ZNF407: variants seen among roughly 807,000 people sequenced by gnomAD.
ZNF407 encodes the protein zinc finger protein 407.
ZNF407 carries 17 observed loss-of-function variants against 131.2 expected under a neutral mutation model. The ratio of observed to expected loss-of-function variants is 0.13; its 90% CI spans 0.09 to 0.19. The LOEUF is 0.19. ZNF407 is among the 10% of genes least tolerant of loss of function. The probability of loss-of-function intolerance (pLI) is 1.00; values close to 1 mark genes in which losing one functional copy is unlikely to be tolerated. For synonymous variants in ZNF407, 1,156 were observed against 1,062.0 expected (o/e 1.09, Z -1.72); for missense variants, 2,681 against 2,830.6 (o/e 0.95, Z 1.20).
intron 3 of ZNF407, among the ~76,000 whole-genome samples, chr18:74,767,097 A>T (rs1006862732): frequency 6.6e-6 from 1 of 152,008 alleles, no homozygotes. Flanking sequence ...TTTTTAGTAG[A>T]GACAGGGTTT....
chr18:74,652,082 A>T (rs1207662757), intron 3 of ZNF407, among the ~76,000 whole-genome samples: 1 of 152,128 alleles, frequency 6.6e-6, no homozygotes, highest in Non-Finnish European at 1.5e-5. Context: ...CATCAAGTAG[A>T]GCAGCTTTTC....
At chr18:75,006,780 TACTG>T (rs1972915721) in intron 8 of ZNF407, among the ~76,000 whole-genome samples, 1 of 152,130 alleles carries the variant, frequency 6.6e-6, no homozygotes, top group South Asian at 2.1e-4. Flanking sequence ...ATTTACCAAA[TACTG>T]AGAGAGGCAT....
At chr18:74,869,321 A>G (rs1568248283) in intron 4 of ZNF407, among the ~76,000 whole-genome samples, 1 of 152,194 alleles carries the variant, frequency 6.6e-6, no homozygotes, top group African/African-American at 2.4e-5. Flanking sequence ...GCAGTTTAAT[A>G]TATGTCTTAT....
chr18:74,921,535 G>A (rs529647670), intron 8 of ZNF407, among the ~76,000 whole-genome samples: 44 of 152,298 alleles, frequency 2.9e-4, no homozygotes, highest in Non-Finnish European at 5.0e-4. Flanking sequence ...TGTTAGAGTT[G>A]CTTTTAAACC....
intron 3 of ZNF407, among the ~76,000 whole-genome samples, chr18:74,716,859 A>G (rs1009911694): frequency 2.0e-5 from 3 of 152,194 alleles, no homozygotes; most frequent in African/African-American, 7.2e-5. Flanking sequence ...AATGAGCATT[A>G]CTGTCTTCAT....
intron 8 of ZNF407, among the ~76,000 whole-genome samples, chr18:75,041,444 C>T (rs1358968046): frequency 1.3e-5 from 2 of 152,170 alleles, no homozygotes; most frequent in African/African-American, 4.8e-5. Flanking sequence ...CTCTCACACA[C>T]ACACTCTCTC....
chr18:74,976,434 C>CA (rs1972529586), intron 8 of ZNF407, among the ~76,000 whole-genome samples: 1 of 152,298 alleles, frequency 6.6e-6, no homozygotes, highest in East Asian at 1.9e-4. Flanking sequence ...TCCAGCCCTG[C>CA]AGGTTGATCA....
intron 3 of ZNF407, among the ~76,000 whole-genome samples, chr18:74,761,533 G>A (rs1168308258): frequency 6.6e-6 from 1 of 152,068 alleles, no homozygotes; most frequent in Non-Finnish European, 1.5e-5. Flanking sequence ...TTGATCAAAT[G>A]TTAGAACTTG....
chr18:74,990,788 A>T (rs1171123194), intron 8 of ZNF407, among the ~76,000 whole-genome samples: 4 of 152,236 alleles, frequency 2.6e-5, no homozygotes, highest in Admixed American at 2.6e-4. Flanking sequence ...TTTGTGCACC[A>T]TACAGCTTTG....
At chr18:74,900,700 TGAA>T (rs1971512778) in intron 7 of ZNF407, among the ~76,000 whole-genome samples, 1 of 152,202 alleles carries the variant, frequency 6.6e-6, no homozygotes, top group Non-Finnish European at 1.5e-5. Flanking sequence ...ATAAGCCAGT[TGAA>T]GAGCACCCAG....
intron 3 of ZNF407, among the ~76,000 whole-genome samples, chr18:74,739,115 A>C (rs903565533): frequency 1.3e-5 from 2 of 151,900 alleles, no homozygotes; most frequent in Non-Finnish European, 2.9e-5. Flanking sequence ...ATACGGCCAC[A>C]GAATTTATCT....
At chr18:75,021,865 T>G (rs1404983964) in intron 8 of ZNF407, among the ~76,000 whole-genome samples, 1 of 151,976 alleles carries the variant, frequency 6.6e-6, no homozygotes, top group Non-Finnish European at 1.5e-5. Flanking sequence ...TAAGCTACAT[T>G]CTGTATGTCA....
chr18:74,720,211 A>G (rs1444711729), intron 3 of ZNF407, among the ~76,000 whole-genome samples: 5 of 152,070 alleles, frequency 3.3e-5, no homozygotes, highest in Non-Finnish European at 7.3e-5. Context: ...TTGTCATTCA[A>G]CTGAGGTGAG....
At chr18:74,810,789 G>T (rs1441952437) in intron 4 of ZNF407, among the ~76,000 whole-genome samples, 3 of 152,112 alleles carry the variant, frequency 2.0e-5, no homozygotes, top group East Asian at 1.9e-4. Flanking sequence ...GGGAAAACTG[G>T]CTAGCCATAT....
At position 74,850,485 on chromosome 18, in the gene ZNF407, C is replaced by T. The variant is rs184645552; in HGVS notation, c.4878-26712C>T. On this transcript the variant is annotated intron_variant, in intron 4 of 8. Coordinates refer to ENST00000299687, the MANE Select transcript of ZNF407 (RefSeq NM_017757.3). ...CTTTTCCTCCTTTCACTTGCCAGTACGCCTGTTTCCGTACCCTACCTTATG... is the reference window on the plus strand; with the variant it reads ...CTTTTCCTCCTTTCACTTGCCAGTATGCCTGTTTCCGTACCCTACCTTATG... Among the ~76,000 whole-genome samples the T allele has an allele frequency of 1.4e-4, 21 of 152,254 alleles. No homozygotes were observed. The East Asian group carries it at 3.1e-3, about 22-fold the overall frequency.
intron 7 of ZNF407, among the ~76,000 whole-genome samples, chr18:74,893,141 A>AGCC (rs1971408327): frequency 6.6e-6 from 1 of 152,158 alleles, no homozygotes; most frequent in Admixed American, 6.6e-5. Context: ...ACCGCATTTG[A>AGCC]GCCAGCTGGA....
At chr18:74,998,861 T>G (rs563616631) in intron 8 of ZNF407, among the ~76,000 whole-genome samples, 159 of 39,426 alleles carry the variant, frequency 4.0e-3, no homozygotes, top group African/African-American at 0.017. Flanking sequence ...TATACCCAAA[T>G]GAGTATAAAT....
In ZNF407 at chr18:74,961,444, C is replaced by T. The variant is rs972215061; in HGVS notation, c.5428+40752C>T. On this transcript the variant is annotated intron_variant, in intron 8 of 8. Transcript: ENST00000299687. ...AACACAAGTTTATAAAGCAGCCAGA[C>T]GCAGTGGCTCACACCTGTAATTTCA... is the stretch of plus-strand genomic sequence containing the variant. Among the ~76,000 whole-genome samples the T allele has an allele frequency of 2.6e-5, 4 of 152,126 alleles. No individual in the cohort carries two copies. In the East Asian group the frequency reaches 5.8e-4, roughly 22 times the overall value.
At chr18:75,049,850 T>C (rs1281772920) in intron 8 of ZNF407, among the ~76,000 whole-genome samples, 1 of 152,246 alleles carries the variant, frequency 6.6e-6, no homozygotes, top group African/African-American at 2.4e-5. Flanking sequence ...AGCTTCAACA[T>C]GACACCCTAA....
Sources: allele counts gnomAD v4.1 joint callset (sites outside exome capture counted in the v4.1 genomes callset), GRCh38; gene constraint gnomAD v4.1.1; transcripts MANE v1.5; gene names NCBI Gene and HGNC (gene_info 2026-07-23, HGNC 2026-07-21).